The following CNTNAP2 variants were observed in gnomAD, a reference collection of about 807,000 sequenced individuals.
CNTNAP2 encodes contactin associated protein 2, also known as contactin-associated protein-like 2.
A neutral mutation model predicts 155.2 loss-of-function variants in CNTNAP2; 98 were observed. The ratio of observed to expected loss-of-function variants is 0.63; its 90% CI spans 0.54 to 0.75. The LOEUF (loss-of-function observed/expected upper bound fraction) is 0.75, where lower values mean the gene tolerates loss of function less well. CNTNAP2 is among the 30% of genes least tolerant of loss of function. The pLI, the probability that CNTNAP2 is intolerant of heterozygous loss-of-function variation, is 0.00. For synonymous variants in CNTNAP2, 651 were observed against 631.2 expected (o/e 1.03, Z -0.47); for missense variants, 1,727 against 1,688.1 (o/e 1.02, Z -0.40).
At chr7:146,807,778 CTAAA>C (rs1448082880) in intron 2 of CNTNAP2, among the ~76,000 whole-genome samples, 1 of 151,778 alleles carries the variant, frequency 6.6e-6, no homozygotes, top group African/African-American at 2.4e-5. Flanking sequence ...CTAGTTGCTG[CTAAA>C]AAAATATATA....
At chr7:147,292,401 T>C (rs972804431) in intron 8 of CNTNAP2, among the ~76,000 whole-genome samples, 9 of 152,212 alleles carry the variant, frequency 5.9e-5, no homozygotes, top group African/African-American at 2.2e-4. Flanking sequence ...AATCTTGAAA[T>C]CAAATGATAA....
intron 3 of CNTNAP2, among the ~76,000 whole-genome samples, chr7:146,867,784 T>TC (rs1795234384): frequency 6.6e-6 from 1 of 151,976 alleles, no homozygotes; most frequent in Non-Finnish European, 1.5e-5. Flanking sequence ...ATAGTGACTT[T>TC]TTTTTTTCAT....
At chr7:148,368,280 C>T (rs1482236807) in intron 21 of CNTNAP2, among the ~76,000 whole-genome samples, 2 of 152,238 alleles carry the variant, frequency 1.3e-5, no homozygotes, top group South Asian at 2.1e-4. Context: ...GGGTTGCTGG[C>T]GGCTACAACT....
chr7:147,583,503 CATATATATATATAT>C (rs71183019), intron 12 of CNTNAP2, among the ~76,000 whole-genome samples: 17 of 129,166 alleles, frequency 1.3e-4, no homozygotes, highest in African/African-American at 4.8e-4. Flanking sequence ...AAAGACATGA[CATATATATATATAT>C]ATATATATAT....
chr7:147,928,880 C>T (rs1377337304), intron 14 of CNTNAP2, among the ~76,000 whole-genome samples: 3 of 151,830 alleles, frequency 2.0e-5, no homozygotes, highest in Middle Eastern at 6.8e-3. Flanking sequence ...CACCTGAGGT[C>T]GAGAGTTTGA....
chr7:147,705,671 C>T (rs925209724), intron 13 of CNTNAP2, among the ~76,000 whole-genome samples: 4 of 152,102 alleles, frequency 2.6e-5, no homozygotes, highest in African/African-American at 7.2e-5. Flanking sequence ...CAACTATTAT[C>T]GTATTGGAGT....
At chr7:147,374,410 A>C (rs1013889488) in intron 9 of CNTNAP2, among the ~76,000 whole-genome samples, 1 of 152,106 alleles carries the variant, frequency 6.6e-6, no homozygotes, top group East Asian at 1.9e-4. Context: ...TTAAACATTC[A>C]TCTTCAAATC....
intron 1 of CNTNAP2, among the ~76,000 whole-genome samples, chr7:146,489,715 A>G (rs1263314677): frequency 2.0e-5 from 3 of 152,142 alleles, no homozygotes; most frequent in Admixed American, 6.5e-5. Context: ...ATATGCTGAC[A>G]ATTCGAAGGG....
At chr7:146,965,161 A>G (rs1797632513) in intron 3 of CNTNAP2, among the ~76,000 whole-genome samples, 1 of 152,106 alleles carries the variant, frequency 6.6e-6, no homozygotes, top group African/African-American at 2.4e-5. Context: ...GAGGGGGTGC[A>G]ATCATTTAAA....
intron 11 of CNTNAP2, among the ~76,000 whole-genome samples, chr7:147,488,923 G>A (rs1584766193): frequency 6.6e-6 from 1 of 152,208 alleles, no homozygotes; most frequent in African/African-American, 2.4e-5. Flanking sequence ...GGAAGATGCT[G>A]AGAAAAACTT....
intron 1 of CNTNAP2, among the ~76,000 whole-genome samples, chr7:146,735,853 T>A (rs13222314): frequency 0.17 from 26,451 of 151,934 alleles, 2,568 homozygotes; most frequent in African/African-American, 0.25. Context: ...TTAGGGTGAC[T>A]GTAGTTAAAA....
intron 1 of CNTNAP2, among the ~76,000 whole-genome samples, chr7:146,357,978 A>G (rs1392102735): frequency 6.6e-6 from 1 of 151,286 alleles, no homozygotes; most frequent in Non-Finnish European, 1.5e-5. Context: ...CTCAAACACC[A>G]TACCATTTTC....
intron 1 of CNTNAP2, among the ~76,000 whole-genome samples, chr7:146,757,783 C>A (rs550797244): frequency 2.3e-4 from 35 of 152,020 alleles, no homozygotes; most frequent in Non-Finnish European, 3.7e-4. Context: ...ATATACATAT[C>A]TCATTTATTT....
At chr7:146,832,943 G>A (rs985937669) in intron 2 of CNTNAP2, among the ~76,000 whole-genome samples, 13 of 152,006 alleles carry the variant, frequency 8.6e-5, no homozygotes, top group East Asian at 1.9e-4. Context: ...TGATCCACCC[G>A]CCTCGGCCTC....
chr7:146,368,779 C>G (rs1360556794), intron 1 of CNTNAP2, among the ~76,000 whole-genome samples: 3 of 151,376 alleles, frequency 2.0e-5, no homozygotes, highest in Non-Finnish European at 4.4e-5. Flanking sequence ...TTGTTATATT[C>G]TAAGTAATTG....
intron 9 of CNTNAP2, among the ~76,000 whole-genome samples, chr7:147,348,566 C>T (rs1459032568): frequency 1.3e-5 from 2 of 151,890 alleles, no homozygotes; most frequent in African/African-American, 4.8e-5. Flanking sequence ...CTAGTACAGC[C>T]ACTCCAGAAA....
chr7:146,483,280 A>ATAT (rs1796994258), intron 1 of CNTNAP2, among the ~76,000 whole-genome samples: 3 of 54,478 alleles, frequency 5.5e-5, no homozygotes, highest in African/African-American at 8.2e-5. Context: ...CGTCTAAAAA[A>ATAT]AAATATATAT....
chr7:146,140,196 C>T (rs1797857233), intron 1 of CNTNAP2, among the ~76,000 whole-genome samples: 1 of 152,120 alleles, frequency 6.6e-6, no homozygotes, highest in Non-Finnish European at 1.5e-5. Flanking sequence ...TTCACTACAG[C>T]AGACGACTTA....
intron 3 of CNTNAP2, among the ~76,000 whole-genome samples, chr7:146,984,834 G>A (rs1563032313): frequency 6.6e-6 from 1 of 152,166 alleles, no homozygotes; most frequent in Non-Finnish European, 1.5e-5. Context: ...CAGTATTGAG[G>A]TCTGGCAATT....
Sources: allele counts gnomAD v4.1 joint callset (sites outside exome capture counted in the v4.1 genomes callset), GRCh38; gene constraint gnomAD v4.1.1; transcripts MANE v1.5; gene names NCBI Gene and HGNC (gene_info 2026-07-23, HGNC 2026-07-21).